Variants in XYLT1 observed in about 807,000 individuals in gnomAD.
XYLT1 encodes xylosyltransferase 1.
XYLT1 carries 36 observed loss-of-function variants against 91.3 expected under a neutral mutation model. That is an observed-to-expected ratio of 0.39 (90% confidence interval 0.30 to 0.52). XYLT1 has a LOEUF of 0.52. XYLT1 is among the 20% of genes least tolerant of loss of function. The pLI is 0.68. For missense variants in XYLT1, 1,242 were observed against 1,284.5 expected (o/e 0.97, Z 0.51); for synonymous variants, 588 against 532.0 (o/e 1.11, Z -1.45).
intron 2 of XYLT1, among the ~76,000 whole-genome samples, chr16:17,309,988 C>T (rs866796338): frequency 6.6e-6 from 1 of 152,076 alleles, no homozygotes. Flanking sequence ...AAAGGCAGCT[C>T]AATTTGGAGG....
In XYLT1 at chr16:17,108,988, G is replaced by A. The variant is rs1245875221; in HGVS notation, c.2587C>T (p.Leu863Phe). Residue 863 changes from leucine to phenylalanine, a missense_variant, in exon 12 of 12, where the codon CTC becomes TTC. Transcript: ENST00000261381. ...EEALKLHNGP[L>F]RNAYMEQSFQ... ...CTCTGCTCCATGTAGGCATTGCGGA[G>A]GGGCCCATTGTGCAGCTTCAGTGCC... 6.5e-7 allele frequency: 1 copy of A among 1,542,100 alleles called. No homozygotes were observed. The highest frequency in any genetic ancestry group is 8.8e-7 in the Non-Finnish European group (1 of 1,137,684).
intron 5 of XYLT1, among the ~76,000 whole-genome samples, chr16:17,178,636 A>C (rs2031997694): frequency 6.6e-6 from 1 of 152,160 alleles, no homozygotes; most frequent in Non-Finnish European, 1.5e-5. Context: ...TTAGAAAGAA[A>C]ATTTTACTGG....
intron 11 of XYLT1, among the ~76,000 whole-genome samples, chr16:17,115,800 T>TAAAAAAAAA (rs71137969): frequency 2.0e-4 from 10 of 50,336 alleles, no homozygotes; most frequent in Non-Finnish European, 2.5e-4. Context: ...TCTGTTATAT[T>TAAAAAAAAA]AAAAAAAAAA....
chr16:17,173,057 A>AC (rs201871562), intron 5 of XYLT1, among the ~76,000 whole-genome samples: 15 of 151,496 alleles, frequency 9.9e-5, no homozygotes, highest in Non-Finnish European at 1.5e-4. Context: ...AAACAAACAA[A>AC]AAAAACCAAA....
intron 2 of XYLT1, among the ~76,000 whole-genome samples, chr16:17,262,976 C>T (rs539393366): frequency 3.9e-5 from 6 of 152,228 alleles, no homozygotes; most frequent in African/African-American, 1.4e-4. Context: ...GACTCCCATG[C>T]TCCAAGAACA....
chr16:17,138,322 T>A, intron 8 of XYLT1, 33 bp downstream of exon 8: 1 of 1,594,432 alleles, frequency 6.3e-7, no homozygotes, highest in African/African-American at 1.3e-5. Flanking sequence ...AAGGCATCAC[T>A]TAGGAGGCTG....
At chr16:17,184,347 A>G (rs1242950454) in intron 5 of XYLT1, among the ~76,000 whole-genome samples, 4 of 152,070 alleles carry the variant, frequency 2.6e-5, no homozygotes, top group East Asian at 3.9e-4. Context: ...AAGAAAATAC[A>G]TTGCAAAATT....
chr16:17,224,333 C>G (rs758910880), intron 3 of XYLT1, among the ~76,000 whole-genome samples: 1 of 152,184 alleles, frequency 6.6e-6, no homozygotes, highest in Non-Finnish European at 1.5e-5. Context: ...AATGACCCAA[C>G]GAACACTTTT....
chr16:17,253,244 C>T (rs1286437032), intron 3 of XYLT1, among the ~76,000 whole-genome samples: 2 of 152,152 alleles, frequency 1.3e-5, no homozygotes, highest in Non-Finnish European at 2.9e-5. Flanking sequence ...TTAGTCTATT[C>T]ACAGTAAATT....
At chr16:17,170,249 C>T (rs113868218) in intron 5 of XYLT1, among the ~76,000 whole-genome samples, 4,486 of 152,304 alleles carry the variant, frequency 0.029, 124 homozygotes, top group Non-Finnish European at 0.034. Context: ...TCCTACCAAG[C>T]TGTGACATTT....
intron 5 of XYLT1, among the ~76,000 whole-genome samples, chr16:17,170,603 G>C (rs536465247): frequency 6.6e-6 from 1 of 152,312 alleles, no homozygotes; most frequent in Non-Finnish European, 1.5e-5. Context: ...CTCAATGTCA[G>C]TTCCACTGGG....
At chr16:17,362,392 A>C (rs1459633931) in intron 1 of XYLT1, among the ~76,000 whole-genome samples, 1 of 152,222 alleles carries the variant, frequency 6.6e-6, no homozygotes, top group Non-Finnish European at 1.5e-5. Flanking sequence ...CGTGTTTACT[A>C]AGTTCCGATT....
chr16:17,169,297 AG>A (rs1451015427), intron 5 of XYLT1, among the ~76,000 whole-genome samples: 1 of 152,226 alleles, frequency 6.6e-6, no homozygotes, highest in African/African-American at 2.4e-5. Flanking sequence ...AGTAAACTGG[AG>A]AACTACCTGG....
chr16:17,430,049 G>A (rs145512227), intron 1 of XYLT1, among the ~76,000 whole-genome samples: 3,008 of 149,674 alleles, frequency 0.02, 89 homozygotes, highest in African/African-American at 0.069. Context: ...TGATTCTCCT[G>A]CCTCAGCCCC....
At chr16:17,373,018 G>T (rs1307445118) in intron 1 of XYLT1, among the ~76,000 whole-genome samples, 2 of 152,102 alleles carry the variant, frequency 1.3e-5, no homozygotes, top group African/African-American at 4.8e-5. Context: ...GGCCATTTGA[G>T]GGCTGCTAAT....
intron 3 of XYLT1, among the ~76,000 whole-genome samples, chr16:17,240,269 G>T (rs2033325708): frequency 6.6e-6 from 1 of 152,164 alleles, no homozygotes; most frequent in Non-Finnish European, 1.5e-5. Context: ...GGGAGAATGG[G>T]TGAGAATAAA....
rs187533027 is a variant in XYLT1 at position 17,104,328 on chromosome 16, C to T, written c.*4367G>A. The T allele has an allele frequency of 2.6e-5, 4 of 152,406 alleles. No homozygotes were observed. The East Asian group carries it at 7.7e-4, about 29-fold the overall frequency. 9.4% of individuals were successfully genotyped at this position (152,406 alleles called of 1,614,324 possible). A position where few individuals can be genotyped will look rare whatever the true frequency, so the allele number is the denominator to read the frequency against. ...AGCCCCAGGCAGATGTGGACCTCTGCATATCTAAGGGGCAGCAGTCCAGAT... is the reference window on the plus strand; with the variant it reads ...AGCCCCAGGCAGATGTGGACCTCTGTATATCTAAGGGGCAGCAGTCCAGAT... On this transcript the variant is annotated 3_prime_UTR_variant, in exon 12 of 12. Coordinates refer to ENST00000261381, the MANE Select transcript of XYLT1 (RefSeq NM_022166.4).
In XYLT1 at chr16:17,233,008, A is replaced by G. The variant is rs564275866; in HGVS notation, c.913+25980T>C. The stretch of plus-strand genomic sequence containing the variant: ...CCTCCACCATATCACTCTCTGACAT[A>G]CACTATCAGGACTTGTCTCCTCTGC... On this transcript the variant is annotated intron_variant, in intron 3 of 11. Coordinates refer to ENST00000261381, the MANE Select transcript of XYLT1 (RefSeq NM_022166.4). Among the ~76,000 whole-genome samples, 3 of 152,082 alleles carry G rather than the reference A, an allele frequency of 2.0e-5. No individual in the cohort carries two copies. The South Asian group carries it at 6.2e-4, about 32-fold the overall frequency.
chr16:17,337,775 CTTTTTCTTT>C (rs2035004648), intron 2 of XYLT1, among the ~76,000 whole-genome samples: 1 of 114,192 alleles, frequency 8.8e-6, no homozygotes, highest in Admixed American at 1.0e-4. Context: ...CACATTTTTT[CTTTTTCTTT>C]TTTTTTTTTT....
Sources: allele counts gnomAD v4.1 joint callset (sites outside exome capture counted in the v4.1 genomes callset), GRCh38; gene constraint gnomAD v4.1.1; transcripts MANE v1.5; gene names NCBI Gene and HGNC (gene_info 2026-07-23, HGNC 2026-07-21).